Variants in KCNMA1 observed in about 807,000 individuals in gnomAD.
The protein encoded by KCNMA1 is Calcium-activated potassium channel subunit alpha-1.
A neutral mutation model predicts 140.0 loss-of-function variants in KCNMA1; 29 were observed. The observed-to-expected ratio is 0.21, with a 90% confidence interval of 0.15 to 0.28. The LOEUF is 0.28. KCNMA1 is among the 10% of genes least tolerant of loss of function. The pLI is 1.00. For synonymous variants in KCNMA1, 612 were observed against 611.9 expected (o/e 1.00, Z 0.00); for missense variants, 880 against 1,602.2 (o/e 0.55, Z 7.70).
chr10:77,090,607 G>A (rs2096790377), intron 9 of KCNMA1, 97 bp from the exon 10 acceptor site: 1 of 813,390 alleles, frequency 1.2e-6, no homozygotes. Context: ...AGCTGCAGGG[G>A]AAGCATTCAT....
chr10:77,063,276 G>T (rs933207543), intron 14 of KCNMA1, among the ~76,000 whole-genome samples: 3 of 152,024 alleles, frequency 2.0e-5, no homozygotes, highest in Non-Finnish European at 4.4e-5. Flanking sequence ...AGCCGGGTGT[G>T]GTGGCTCGTG....
chr10:77,550,815 G>A (rs868681376), intron 1 of KCNMA1, among the ~76,000 whole-genome samples: 2 of 152,134 alleles, frequency 1.3e-5, no homozygotes, highest in African/African-American at 2.4e-5. Context: ...TTGTCCAGGT[G>A]GGGGGCTATT....
intron 5 of KCNMA1, among the ~76,000 whole-genome samples, chr10:77,122,879 T>C (rs1314581723): frequency 1.3e-5 from 2 of 152,110 alleles, no homozygotes; most frequent in Non-Finnish European, 1.5e-5. Context: ...AAGATCATTA[T>C]ATTTAACAAA....
chr10:76,891,489 C>T lies in KCNMA1; in HGVS notation c.3342+36G>A, dbSNP rs142071211. On this transcript the variant is annotated intron_variant, in intron 26 of 27. Coordinates refer to ENST00000286628, the MANE Select transcript of KCNMA1 (RefSeq NM_001161352.2). ...TCTTCAGGATCAAGCTTTTCCCAAA[C>T]AGCAAGCTCAGGTGACCTCGGTGCT... The T allele has an allele frequency of 1.0e-3, 1,581 of 1,570,906 alleles. 2 individuals are homozygous for T. The highest frequency in any genetic ancestry group is 1.3e-3 in the Non-Finnish European group (1,457 of 1,146,250).
intron 1 of KCNMA1, among the ~76,000 whole-genome samples, chr10:77,517,816 G>A (rs1210515294): frequency 6.6e-6 from 1 of 152,088 alleles, no homozygotes; most frequent in Admixed American, 6.5e-5. Flanking sequence ...GAAAAACACA[G>A]GTAAAGTACT....
chr10:77,139,755 T>C (rs2098125477), intron 5 of KCNMA1, among the ~76,000 whole-genome samples: 1 of 152,294 alleles, frequency 6.6e-6, no homozygotes, highest in Admixed American at 6.5e-5. Flanking sequence ...AGAAAGCAGT[T>C]GAGAAAAGAA....
intron 2 of KCNMA1, among the ~76,000 whole-genome samples, chr10:77,294,098 G>A (rs2074224862): frequency 6.6e-6 from 1 of 152,250 alleles, no homozygotes; most frequent in Non-Finnish European, 1.5e-5. Flanking sequence ...CTCCAGCAAC[G>A]TGGACAGACA....
At chr10:76,870,356 C>T (rs2031034790) in exon 28 of KCNMA1, 1 of 152,306 alleles carries the variant, frequency 6.6e-6, no homozygotes, top group South Asian at 2.1e-4. Flanking sequence ...GGTAGTGCTT[C>T]CCAAGGCAGG....
intron 2 of KCNMA1, among the ~76,000 whole-genome samples, chr10:77,313,550 C>A (rs1050732415): frequency 6.6e-6 from 1 of 152,208 alleles, no homozygotes. Flanking sequence ...GAACAGCGAA[C>A]AGGATGTGTC....
At chr10:77,006,872 C>T (rs748541310) in intron 18 of KCNMA1, among the ~76,000 whole-genome samples, 1 of 152,156 alleles carries the variant, frequency 6.6e-6, no homozygotes, top group African/African-American at 2.4e-5. Context: ...GCCACAGAGT[C>T]GATTTTGGCA....
chr10:76,884,752 A>C, downstream of KCNMA1: 1 of 520,322 alleles, frequency 1.9e-6, no homozygotes, highest in Non-Finnish European at 3.2e-6. Flanking sequence ...AGAAAGTGGA[A>C]GAAGGAAGGA....
intron 2 of KCNMA1, among the ~76,000 whole-genome samples, chr10:77,294,243 T>G (rs1403955734): frequency 1.3e-5 from 2 of 152,244 alleles, no homozygotes; most frequent in Non-Finnish European, 2.9e-5. Flanking sequence ...GGCCCAGGTT[T>G]GCAGTGGCTC....
Position 77,480,739 on chromosome 10 carries a change from C to G in KCNMA1, c.379-76716G>C, listed in dbSNP as rs1200187186. Among the ~76,000 whole-genome samples the G allele has an allele frequency of 2.0e-5, 3 of 152,058 alleles. No homozygotes were observed. In the East Asian group the frequency reaches 5.8e-4, roughly 29 times the overall value. On this transcript the variant is annotated intron_variant, in intron 1 of 27. Coordinates refer to ENST00000286628, the MANE Select transcript of KCNMA1 (RefSeq NM_001161352.2). ...GCGCAGCTTCCCCCTCCCGGCAAAG[C>G]CCTCCCTGACAACCCTACCCACAGT...
intron 1 of KCNMA1, among the ~76,000 whole-genome samples, chr10:77,568,406 C>T (rs2069247508): frequency 6.6e-6 from 1 of 152,180 alleles, no homozygotes; most frequent in African/African-American, 2.4e-5. Flanking sequence ...CGGCTTCATC[C>T]CTGGGATGCA....
At chr10:77,416,462 C>T (rs555549052) in intron 1 of KCNMA1, among the ~76,000 whole-genome samples, 5 of 152,316 alleles carry the variant, frequency 3.3e-5, no homozygotes, top group African/African-American at 1.2e-4. Context: ...GTTACCGTGG[C>T]CCCAAGCCAC....
chr10:77,126,016 C>A (rs2097724601), intron 5 of KCNMA1, among the ~76,000 whole-genome samples: 1 of 152,022 alleles, frequency 6.6e-6, no homozygotes, highest in Non-Finnish European at 1.5e-5. Context: ...CAGAAAGAGC[C>A]CAGAAGACTA....
At chr10:76,956,166 C>T (rs1392767823) in intron 20 of KCNMA1, among the ~76,000 whole-genome samples, 4 of 152,152 alleles carry the variant, frequency 2.6e-5, no homozygotes, top group South Asian at 4.1e-4. Context: ...AGGAGTCAGA[C>T]GTTGTTAACA....
At chr10:77,625,643 C>T (rs1268681047) in intron 1 of KCNMA1, among the ~76,000 whole-genome samples, 1 of 152,110 alleles carries the variant, frequency 6.6e-6, no homozygotes, top group African/African-American at 2.4e-5. Context: ...GGCTGATGTC[C>T]TCGATGTTCA....
intron 2 of KCNMA1, among the ~76,000 whole-genome samples, chr10:77,288,844 AGAAGT>A (rs2072037136): frequency 6.6e-6 from 1 of 152,240 alleles, no homozygotes; most frequent in South Asian, 2.1e-4. Flanking sequence ...TGAGAGACAA[AGAAGT>A]GGAGTTTCAT....
Sources: gnomAD v4.1 joint callset for allele counts (sites outside exome capture counted in the v4.1 genomes callset) on GRCh38, gnomAD v4.1.1 for gene constraint, MANE v1.5 for transcripts, NCBI Gene and HGNC (gene_info 2026-07-23, HGNC 2026-07-21) for gene names.